Variants in RNF180 observed in about 807,000 individuals in gnomAD.
The protein encoded by RNF180 is ring finger protein 180.
Under a neutral mutation model 59.2 loss-of-function variants are expected in RNF180, and 38 were observed. That is an observed-to-expected ratio of 0.64 (90% CI 0.50 to 0.84). The LOEUF (loss-of-function observed/expected upper bound fraction) is 0.84, where lower values mean the gene tolerates loss of function less well. Ranked by LOEUF, RNF180 falls within the 40% of genes least tolerant of loss-of-function variation. RNF180 has a pLI of 0.00. For synonymous variants in RNF180, 262 were observed against 240.3 expected (o/e 1.09, Z -0.84); for missense variants, 705 against 700.9 (o/e 1.01, Z -0.07).
At chr5:64,167,081 A>G (rs1268334548) in intron 1 of RNF180, among the ~76,000 whole-genome samples, 1 of 152,218 alleles carries the variant, frequency 6.6e-6, no homozygotes, top group Non-Finnish European at 1.5e-5. Flanking sequence ...GTTGTCTTTT[A>G]TCTGTCAGAC....
intron 1 of RNF180, among the ~76,000 whole-genome samples, chr5:64,176,420 T>G (rs886678385): frequency 1.3e-5 from 2 of 152,170 alleles, no homozygotes; most frequent in Admixed American, 6.5e-5. Context: ...GTGCTTATCT[T>G]TTGTATTGTT....
At chr5:64,244,248 A>C (rs1391772613) in intron 5 of RNF180, among the ~76,000 whole-genome samples, 2 of 152,224 alleles carry the variant, frequency 1.3e-5, no homozygotes, top group Non-Finnish European at 2.9e-5. Flanking sequence ...GAGTTTGATG[A>C]ATTGACAGAA....
In RNF180 at chr5:64,346,337, ATTCTTCTTTTTTTCTT is replaced by A. The variant is rs1295053540; in HGVS notation, c.1579+15945_1579+15960del. Among the ~76,000 whole-genome samples the A allele has an allele frequency of 4.9e-5, 4 of 81,146 alleles. No homozygotes were observed. The East Asian group carries it at 1.4e-3, about 27-fold the overall frequency. 53.2% of individuals were successfully genotyped at this position (81,146 alleles called of 152,430 possible). A position where few individuals can be genotyped will look rare whatever the true frequency, so the allele number is the denominator to read the frequency against. Reference sequence around the variant, plus strand: ...AAAACAATTCCGGCTACTAGTTTCTATTCTTCTTTTTTTCTTTTCTTCTTTTTTTTTTTTTTTTTTT... The same window carrying A: ...AAAACAATTCCGGCTACTAGTTTCTATTCTTCTTTTTTTTTTTTTTTTTTT... On this transcript the variant is annotated intron_variant, in intron 7 of 7. Transcript: ENST00000389100.
chr5:64,192,903 G>GTGTATATATATATATATATA (rs1486448173), intron 1 of RNF180, among the ~76,000 whole-genome samples: 5 of 93,870 alleles, frequency 5.3e-5, no homozygotes, highest in African/African-American at 2.1e-4. Flanking sequence ...AGTGTGGCAT[G>GTGTATATATATATATATATA]TATATATATA....
chr5:64,234,710 C>A (rs527639300), intron 5 of RNF180, among the ~76,000 whole-genome samples: 2 of 147,016 alleles, frequency 1.4e-5, no homozygotes, highest in East Asian at 4.3e-4. Context: ...CCCCATTCTC[C>A]GGCCTCAGCC....
chr5:64,174,760 T>C (rs1481873064), intron 1 of RNF180, among the ~76,000 whole-genome samples: 1 of 152,120 alleles, frequency 6.6e-6, no homozygotes, highest in Non-Finnish European at 1.5e-5. Flanking sequence ...TGTTTATCGA[T>C]TGTGTCCTTT....
chr5:64,211,366 A>T (rs2112105064), intron 2 of RNF180, among the ~76,000 whole-genome samples: 1 of 152,272 alleles, frequency 6.6e-6, no homozygotes, highest in Middle Eastern at 3.4e-3. Flanking sequence ...ATGTGCTGCA[A>T]GCTTGGTTTA....
chr5:64,264,619 C>T lies in RNF180; in HGVS notation c.1227+47223C>T, dbSNP rs538738030. On this transcript the variant is annotated intron_variant, in intron 5 of 7. Coordinates refer to ENST00000389100, the MANE Select transcript of RNF180 (RefSeq NM_001113561.2). The stretch of plus-strand genomic sequence containing the variant: ...TGTATATGTGCCACATTTACTTTAT[C>T]CAGTCTATCATTGATGGGCATTTGG... Among the ~76,000 whole-genome samples the T allele has an allele frequency of 3.3e-5, 5 of 152,252 alleles. No homozygotes were observed. In the South Asian group the frequency reaches 1.0e-3, roughly 32 times the overall value.
chr5:64,340,708 C>T (rs1048068223), intron 7 of RNF180, among the ~76,000 whole-genome samples: 1 of 152,020 alleles, frequency 6.6e-6, no homozygotes, highest in Non-Finnish European at 1.5e-5. Context: ...AAAAGGCCTG[C>T]AAATTCTGAA....
intron 5 of RNF180, among the ~76,000 whole-genome samples, chr5:64,278,514 G>T (rs1376877547): frequency 2.0e-5 from 3 of 152,088 alleles, no homozygotes; most frequent in Non-Finnish European, 4.4e-5. Context: ...TGGTAACAGT[G>T]GCAAAAGATA....
In RNF180 at chr5:64,189,216, A is replaced by G. The variant is rs370922837; in HGVS notation, c.1-11592A>G. The stretch of plus-strand genomic sequence containing the variant: ...GGTATTGTGTTATGGTAGCCCAAGC[A>G]GAATAGTGCATATTTTGGTACTGTG... On this transcript the variant is annotated intron_variant, in intron 1 of 7. Transcript: ENST00000389100. 7.9e-5 allele frequency among the ~76,000 whole-genome samples: 12 copies of G among 152,186 alleles called. No homozygotes were observed. In the South Asian group the frequency reaches 2.1e-3, roughly 26 times the overall value.
At chr5:64,326,985 T>C (rs1338990847) in intron 6 of RNF180, among the ~76,000 whole-genome samples, 1 of 152,206 alleles carries the variant, frequency 6.6e-6, no homozygotes, top group Non-Finnish European at 1.5e-5. Flanking sequence ...TCTCATTACC[T>C]GTGATTGGTA....
At chr5:64,324,938 C>T (rs1744559866) in intron 5 of RNF180, among the ~76,000 whole-genome samples, 1 of 152,094 alleles carries the variant, frequency 6.6e-6, no homozygotes, top group South Asian at 2.1e-4. Flanking sequence ...TACAGGTATA[C>T]TTAATAGGTT....
chr5:64,241,372 G>A, intron 5 of RNF180, among the ~76,000 whole-genome samples: 1 of 151,252 alleles, frequency 6.6e-6, no homozygotes, highest in East Asian at 1.9e-4. Context: ...TTTCTCTTAT[G>A]TACAAAAGGG....
chr5:64,232,545 A>G (rs909130505), intron 5 of RNF180, among the ~76,000 whole-genome samples: 1 of 152,200 alleles, frequency 6.6e-6, no homozygotes, highest in African/African-American at 2.4e-5. Context: ...ATGTTTGTTC[A>G]AAAGTTTAGG....
chr5:64,320,199 T>C (rs1476873185), intron 5 of RNF180, among the ~76,000 whole-genome samples: 1 of 152,224 alleles, frequency 6.6e-6, no homozygotes, highest in Non-Finnish European at 1.5e-5. Flanking sequence ...GATAACCTGC[T>C]AAATTGTTGG....
chr5:64,238,210 T>A (rs11749067), intron 5 of RNF180, among the ~76,000 whole-genome samples: 92,764 of 151,994 alleles, frequency 0.61, 29,248 homozygotes, highest in East Asian at 0.79. Context: ...CATTATATGT[T>A]TATCCCACAT....
At chr5:64,274,020 A>T (rs1439073896) in intron 5 of RNF180, among the ~76,000 whole-genome samples, 1 of 152,048 alleles carries the variant, frequency 6.6e-6, no homozygotes, top group Non-Finnish European at 1.5e-5. Context: ...ACAGAGCATT[A>T]TGTGAAAGAG....
intron 5 of RNF180, among the ~76,000 whole-genome samples, chr5:64,243,434 C>A (rs1461813458): frequency 6.6e-6 from 1 of 152,092 alleles, no homozygotes; most frequent in African/African-American, 2.4e-5. Context: ...CTTGAGTAGG[C>A]GGTTTTCCCC....
Sources: allele counts gnomAD v4.1 joint callset (sites outside exome capture counted in the v4.1 genomes callset), GRCh38; gene constraint gnomAD v4.1.1; transcripts MANE v1.5; gene names NCBI Gene and HGNC (gene_info 2026-07-23, HGNC 2026-07-21).